PLPPR1: variants seen among roughly 807,000 people sequenced by gnomAD.
PLPPR1 encodes phospholipid phosphatase related 1.
In PLPPR1, 10 loss-of-function variants were observed where a neutral mutation model predicts 33.1. The ratio of observed to expected loss-of-function variants is 0.30; its 90% CI spans 0.19 to 0.51. The LOEUF (loss-of-function observed/expected upper bound fraction) is 0.51. PLPPR1 is among the 20% of genes least tolerant of loss of function. PLPPR1 has a pLI of 0.97. For missense variants in PLPPR1, 304 were observed against 408.1 expected, an observed-to-expected ratio of 0.74 and a Z score of 2.20; for synonymous variants, 151 against 151.0, an observed-to-expected ratio of 1.00 and a Z score of 0.00.
intron 2 of PLPPR1, among the ~76,000 whole-genome samples, chr9:101,268,886 T>A (rs958514328): frequency 1.3e-5 from 2 of 152,234 alleles, no homozygotes; most frequent in African/African-American, 4.8e-5. Context: ...TAAGCACATG[T>A]TTAGTTTAAT....
chr9:101,133,007 T>C (rs1429015126), intron 1 of PLPPR1, among the ~76,000 whole-genome samples: 1 of 152,222 alleles, frequency 6.6e-6, no homozygotes, highest in East Asian at 1.9e-4. Flanking sequence ...GCTACAAAGC[T>C]GTGCAACTGA....
chr9:101,173,553 A>G (rs923716756), intron 1 of PLPPR1, among the ~76,000 whole-genome samples: 11 of 152,124 alleles, frequency 7.2e-5, no homozygotes, highest in Non-Finnish European at 1.5e-5. Flanking sequence ...CCCCAGTACA[A>G]CAAGGCCCTG....
intron 1 of PLPPR1, among the ~76,000 whole-genome samples, chr9:101,064,493 C>T (rs1045799677): frequency 3.9e-5 from 6 of 151,928 alleles, no homozygotes; most frequent in Non-Finnish European, 8.8e-5. Context: ...TGCAGGTTTC[C>T]AAAGATCAAG....
chr9:101,192,954 T>C (rs1027540842), intron 2 of PLPPR1, among the ~76,000 whole-genome samples: 1 of 152,214 alleles, frequency 6.6e-6, no homozygotes, highest in Non-Finnish European at 1.5e-5. Context: ...AGTATCTATT[T>C]TTCATGGTAT....
chr9:101,184,346 TA>T (rs1302677072), intron 1 of PLPPR1, among the ~76,000 whole-genome samples: 1 of 151,916 alleles, frequency 6.6e-6, no homozygotes, highest in Non-Finnish European at 1.5e-5. Flanking sequence ...ATATGTATTT[TA>T]AAGTTTCATT....
intron 1 of PLPPR1, among the ~76,000 whole-genome samples, chr9:101,150,727 A>G (rs935571475): frequency 1.3e-5 from 2 of 152,168 alleles, no homozygotes; most frequent in African/African-American, 4.8e-5. Context: ...CTAGGTGGTT[A>G]TGCGGTGGAT....
intron 1 of PLPPR1, among the ~76,000 whole-genome samples, chr9:101,071,627 A>AGAGAGAGG (rs58146867): frequency 6.6e-6 from 1 of 151,428 alleles, no homozygotes; most frequent in Admixed American, 6.6e-5. Flanking sequence ...AGAGAGAGAG[A>AGAGAGAGG]CAGACAGAGA....
At chr9:101,196,187 A>G (rs1564172506) in intron 2 of PLPPR1, among the ~76,000 whole-genome samples, 1 of 152,072 alleles carries the variant, frequency 6.6e-6, no homozygotes, top group Non-Finnish European at 1.5e-5. Flanking sequence ...AATTACATGA[A>G]GCATAATTTC....
At chr9:101,138,758 G>A (rs929038874) in intron 1 of PLPPR1, among the ~76,000 whole-genome samples, 4 of 152,174 alleles carry the variant, frequency 2.6e-5, no homozygotes, top group Non-Finnish European at 5.9e-5. Flanking sequence ...TCACCCTCCA[G>A]TGACAGAGGA....
chr9:101,123,918 C>A (rs991591176), intron 1 of PLPPR1, among the ~76,000 whole-genome samples: 1 of 152,088 alleles, frequency 6.6e-6, no homozygotes, highest in Non-Finnish European at 1.5e-5. Context: ...GGGTTTTAGA[C>A]CCTGGACCTC....
chr9:101,268,581 G>A (rs760397860), intron 2 of PLPPR1, among the ~76,000 whole-genome samples: 1 of 152,176 alleles, frequency 6.6e-6, no homozygotes, highest in Non-Finnish European at 1.5e-5. Flanking sequence ...TTTTCCTACA[G>A]ATCAGGAAAT....
chr9:101,031,509 C>T (rs1405780756), intron 1 of PLPPR1, among the ~76,000 whole-genome samples: 1 of 152,194 alleles, frequency 6.6e-6, no homozygotes, highest in East Asian at 1.9e-4. Flanking sequence ...TTCATCCCCT[C>T]CTCCTGGATT....
chr9:101,042,712 T>G (rs1038278054), intron 1 of PLPPR1, among the ~76,000 whole-genome samples: 1 of 152,182 alleles, frequency 6.6e-6, no homozygotes, highest in Non-Finnish European at 1.5e-5. Context: ...CAAAAGAAAG[T>G]TTAATGAAAT....
At chr9:101,093,899 G>A (rs1456061978) in intron 1 of PLPPR1, among the ~76,000 whole-genome samples, 1 of 152,172 alleles carries the variant, frequency 6.6e-6, no homozygotes, top group African/African-American at 2.4e-5. Context: ...GTAACTTGCA[G>A]TTTTTCTGAA....
intron 1 of PLPPR1, among the ~76,000 whole-genome samples, chr9:101,096,597 C>G (rs10117354): frequency 0.7 from 106,862 of 152,066 alleles, 37,694 homozygotes; most frequent in East Asian, 0.89. Context: ...ACATATGTAA[C>G]ATTTAAATGA....
chr9:101,255,496 A>C (rs766460419), intron 2 of PLPPR1, among the ~76,000 whole-genome samples: 43 of 152,326 alleles, frequency 2.8e-4, no homozygotes, highest in South Asian at 2.1e-4. Context: ...CGAAGATTGC[A>C]AATAATTTCT....
At chr9:101,303,018 G>T (rs528271528) in intron 4 of PLPPR1, among the ~76,000 whole-genome samples, 1 of 152,112 alleles carries the variant, frequency 6.6e-6, no homozygotes, top group Non-Finnish European at 1.5e-5. Flanking sequence ...ACAGAGTCTC[G>T]CTCTGTTGCC....
intron 2 of PLPPR1, among the ~76,000 whole-genome samples, chr9:101,197,595 T>C (rs1324564097): frequency 6.6e-6 from 1 of 152,198 alleles, no homozygotes; most frequent in Non-Finnish European, 1.5e-5. Context: ...AGATGTAAAA[T>C]GTGATGCCTT....
chr9:101,077,367 C>A (rs1447813745), intron 1 of PLPPR1, among the ~76,000 whole-genome samples: 4 of 152,150 alleles, frequency 2.6e-5, no homozygotes, highest in Admixed American at 6.5e-5. Flanking sequence ...ACTGGCTTAA[C>A]CATTTGTGTA....
Sources: allele counts gnomAD v4.1 joint callset (sites outside exome capture counted in the v4.1 genomes callset), GRCh38; gene constraint gnomAD v4.1.1; transcripts MANE v1.5; gene names NCBI Gene and HGNC (gene_info 2026-07-23, HGNC 2026-07-21).